The following BBS12 variants were observed in gnomAD, a reference collection of about 807,000 sequenced individuals.
BBS12 encodes the protein Bardet-Biedl syndrome 12.
Under a neutral mutation model 5.6 loss-of-function variants are expected in BBS12, and 5 were observed. That is an observed-to-expected ratio of 0.89 (90% CI 0.46 to 1.86). BBS12 has a LOEUF of 1.86. BBS12 is among the 40% of genes most tolerant of loss of function. BBS12 has a pLI of 0.01. For synonymous variants in BBS12, 308 were observed against 306.8 expected, an observed-to-expected ratio of 1.00 and a Z score of -0.04; for missense variants, 748 against 830.4, an observed-to-expected ratio of 0.90 and a Z score of 1.22.
At position 122,742,764 on chromosome 4, in the gene BBS12, A is replaced by G. The variant is rs1445128794; in HGVS notation, c.872A>G (p.Gln291Arg). 3.7e-6 allele frequency: 6 copies of G among 1,614,256 alleles called. No homozygotes were observed. Among genetic ancestry groups the G allele is most frequent in the Non-Finnish European group, 5.1e-6 (6 of 1,180,038 alleles). Reference protein sequence around the residue: ...SSMKLVEEAVQLQYQNACVQQ... With the variant: ...SSMKLVEEAVRLQYQNACVQQ... ...ATGAAGTTAGTAGAAGAAGCAGTAC[A>G]GCTGCAATATCAGAATGCTTGTGTG... Residue 291 changes from glutamine (Q) to arginine (R), a missense_variant, in exon 2 of 2, where the codon CAG becomes CGG. Physicochemically the swap from Gln to Arg is conservative, Grantham distance 43 (BLOSUM62 1). Coordinates refer to ENST00000314218, the MANE Select transcript of BBS12 (RefSeq NM_152618.3).
the BBS12 span, among the ~76,000 whole-genome samples, chr4:122,706,205 T>C: frequency 3.7e-3 from 561 of 152,210 alleles, 2 homozygotes; most frequent in African/African-American, 0.013. Context: ...TCTGTCTCTT[T>C]CTCTCTCTCT....
chr4:122,706,651 G>A, the BBS12 span, among the ~76,000 whole-genome samples: 3 of 152,152 alleles, frequency 2.0e-5, no homozygotes, highest in South Asian at 6.2e-4. Context: ...TGTTCCAACT[G>A]TGGAAGACTG....
chr4:122,719,184 A>G, the BBS12 span, among the ~76,000 whole-genome samples: 1 of 152,154 alleles, frequency 6.6e-6, no homozygotes, highest in East Asian at 1.9e-4. Context: ...TCAGGTGGGG[A>G]CTTGGAGAAC....
the BBS12 span, among the ~76,000 whole-genome samples, chr4:122,713,458 G>T: frequency 5.3e-5 from 8 of 152,080 alleles, no homozygotes; most frequent in Admixed American, 2.6e-4. Flanking sequence ...TGCCTGTGAA[G>T]AGCCATTGCA....
At chr4:122,713,333 A>T in the BBS12 span, among the ~76,000 whole-genome samples, 3 of 150,814 alleles carry the variant, frequency 2.0e-5, no homozygotes, top group Non-Finnish European at 3.0e-5. Context: ...TTTTTTAATT[A>T]TTTTTTCTAC....
the BBS12 span, among the ~76,000 whole-genome samples, chr4:122,713,087 T>C: frequency 1.3e-5 from 2 of 152,142 alleles, no homozygotes; most frequent in Admixed American, 6.5e-5. Flanking sequence ...CATAGTGATA[T>C]GTGTTTATAC....
Position 122,743,031 on chromosome 4 carries a change from CAG to C in BBS12, c.1140_1141del (p.Val381IlefsTer3), listed in dbSNP as rs1553941391. Reference sequence around the variant, plus strand: ...TTTAATAAGTCTGCAAATATTAAAACAGTATTAGATAGCATGCGGCTTCAAGA... The same window carrying C: ...TTTAATAAGTCTGCAAATATTAAAACTATTAGATAGCATGCGGCTTCAAGA... On this transcript the variant is annotated frameshift_variant, in exon 2 of 2. Coordinates refer to ENST00000314218, the MANE Select transcript of BBS12 (RefSeq NM_152618.3). LOFTEE classifies it low-confidence loss of function (END_TRUNC). The C allele has an allele frequency of 3.1e-6, 5 of 1,614,212 alleles. No homozygotes were observed. Among genetic ancestry groups the C allele is most frequent in the African/African-American group, 1.3e-5 (1 of 75,048 alleles).
chr4:122,737,048 A>G (rs1285847631), intron 1 of BBS12, among the ~76,000 whole-genome samples: 1 of 152,176 alleles, frequency 6.6e-6, no homozygotes, highest in Non-Finnish European at 1.5e-5. Context: ...TATCTAGGAA[A>G]CTTTTTCACA....
the BBS12 span, among the ~76,000 whole-genome samples, chr4:122,716,974 G>A: frequency 6.6e-6 from 1 of 151,964 alleles, no homozygotes; most frequent in Non-Finnish European, 1.5e-5. Flanking sequence ...ATCAAAATAA[G>A]CATAAATCAA....
chr4:122,709,675 AAC>A, the BBS12 span, among the ~76,000 whole-genome samples: 1 of 151,762 alleles, frequency 6.6e-6, no homozygotes, highest in East Asian at 1.9e-4. Flanking sequence ...CTTTTTTTGC[AAC>A]AGAGTCTTGC....
the BBS12 span, among the ~76,000 whole-genome samples, chr4:122,707,054 C>CT: frequency 8.6e-3 from 619 of 72,278 alleles, 8 homozygotes; most frequent in South Asian, 0.021. Flanking sequence ...CTCTCTCTCT[C>CT]TTTTTTTTTT....
Position 122,743,894 on chromosome 4 carries a change from C to T in BBS12, c.2002C>T (p.Pro668Ser). The T allele has an allele frequency of 6.2e-7, 1 of 1,604,496 alleles. No homozygotes were observed. Among genetic ancestry groups the T allele is most frequent in the Non-Finnish European group, 8.5e-7 (1 of 1,175,614 alleles). ...TCCGAGAGTTTATGACGTTGTTACA[C>T]CAAAGATTGAGGCGTGGCGCCGAGC... is the stretch of plus-strand genomic sequence containing the variant. ...QIPRVYDVVT[P>S]KIEAWRRALD... Residue 668 changes from proline to serine, a missense_variant, in exon 2 of 2, where the codon CCA becomes TCA. Physicochemically the swap from Pro to Ser is moderately conservative, Grantham distance 74 (BLOSUM62 -1). Transcript: ENST00000314218.
chr4:122,703,893 A>G, the BBS12 span, among the ~76,000 whole-genome samples: 4 of 152,180 alleles, frequency 2.6e-5, no homozygotes, highest in Non-Finnish European at 4.4e-5. Flanking sequence ...TCTGTTGCCC[A>G]GGTTGGAGAG....
At position 122,741,987 on chromosome 4, in the gene BBS12, C is replaced by T; in HGVS notation, c.95C>T (p.Pro32Leu). 1 of 1,613,422 alleles carries T rather than the reference C, an allele frequency of 6.2e-7. No homozygotes were observed. The highest frequency in any genetic ancestry group is 8.5e-7 in the Non-Finnish European group (1 of 1,179,562). Residue 32 changes from proline to leucine, a missense_variant, in exon 2 of 2, where the codon CCA becomes CTA. Physicochemically the swap from Pro to Leu is moderately conservative, Grantham distance 98 (BLOSUM62 -3). Coordinates refer to ENST00000314218, the MANE Select transcript of BBS12 (RefSeq NM_152618.3). ...FAETGRTFLG[P>L]LKSSKFIIDE... The stretch of plus-strand genomic sequence containing the variant: ...GAAACAGGAAGAACTTTCCTAGGCC[C>T]ACTAAAATCATCCAAATTTATTATA...
chr4:122,704,130 G>A, the BBS12 span, among the ~76,000 whole-genome samples: 1 of 152,220 alleles, frequency 6.6e-6, no homozygotes, highest in Non-Finnish European at 1.5e-5. Context: ...GATTACACGT[G>A]TGAGTCACCA....
upstream of BBS12, chr4:122,732,466 T>A (rs1190360377): frequency 6.6e-6 from 1 of 152,388 alleles, no homozygotes; most frequent in African/African-American, 2.4e-5. Flanking sequence ...CCTCCCGGCG[T>A]CACCTCCCGC....
At chr4:122,720,569 T>C in the BBS12 span, among the ~76,000 whole-genome samples, 3 of 152,176 alleles carry the variant, frequency 2.0e-5, no homozygotes, top group African/African-American at 7.2e-5. Flanking sequence ...AGCAAGCCAG[T>C]AAACTTACTT....
At chr4:122,741,304 A>T (rs1800867605) in intron 1 of BBS12, among the ~76,000 whole-genome samples, 1 of 152,148 alleles carries the variant, frequency 6.6e-6, no homozygotes, top group South Asian at 2.1e-4. Context: ...CTTCTGCCTC[A>T]GCCCCCAAAG....
At chr4:122,706,368 A>C in the BBS12 span, among the ~76,000 whole-genome samples, 3 of 152,212 alleles carry the variant, frequency 2.0e-5, no homozygotes, top group Non-Finnish European at 4.4e-5. Context: ...GGAGTTGTGC[A>C]GATTTTTAAT....
Sources: allele counts gnomAD v4.1 joint callset (sites outside exome capture counted in the v4.1 genomes callset), GRCh38; gene constraint gnomAD v4.1.1; transcripts MANE v1.5; gene names NCBI Gene and HGNC (gene_info 2026-07-23, HGNC 2026-07-21).